The following MCCC1 variants were observed in gnomAD, a reference collection of about 807,000 sequenced individuals.
MCCC1 encodes the protein methylcrotonoyl-CoA carboxylase subunit alpha, mitochondrial.
Under a neutral mutation model 83.8 loss-of-function variants are expected in MCCC1, and 64 were observed. That is an observed-to-expected ratio of 0.76 (90% CI 0.62 to 0.94). The LOEUF (loss-of-function observed/expected upper bound fraction) is 0.94, where lower values mean the gene tolerates loss of function less well. MCCC1 is among the 40% of genes least tolerant of loss of function. The pLI, the probability that MCCC1 is intolerant of heterozygous loss-of-function variation, is 0.00. For synonymous variants in MCCC1, 322 were observed against 315.4 expected (o/e 1.02, Z -0.22); for missense variants, 807 against 904.7 (o/e 0.89, Z 1.39).
intron 7 of MCCC1, among the ~76,000 whole-genome samples, chr3:183,061,706 A>T (rs1206340255): frequency 6.6e-6 from 1 of 152,232 alleles, no homozygotes; most frequent in Non-Finnish European, 1.5e-5. Flanking sequence ...CATGGCCTCA[A>T]TTCTCTGATG....
intron 1 of MCCC1, among the ~76,000 whole-genome samples, chr3:183,105,377 G>C (rs1195296465): frequency 2.6e-5 from 4 of 151,906 alleles, no homozygotes; most frequent in Non-Finnish European, 5.9e-5. Flanking sequence ...GAAAAACAAT[G>C]AATTACTATG....
chr3:183,063,797 G>A (rs1228111653), intron 7 of MCCC1, among the ~76,000 whole-genome samples: 2 of 152,110 alleles, frequency 1.3e-5, no homozygotes, highest in East Asian at 1.9e-4. Flanking sequence ...GTCTGGTAAC[G>A]TCTTTCTGAT....
chr3:183,015,259 A>G lies in MCCC1; in HGVS notation c.*179T>C. The G allele has an allele frequency of 1.5e-6, 1 of 683,828 alleles. No individual in the cohort carries two copies. The highest frequency in any genetic ancestry group is 2.6e-6 in the Non-Finnish European group (1 of 389,588). The allele number at this position is 683,828 out of a possible 1,614,324, so 42.4% of individuals were successfully genotyped here. Reference sequence around the variant, plus strand: ...AATAATTCAACTTTATTAGTATGAAATATTTTGAGATAATTAGTGACCCAA... The same window carrying G: ...AATAATTCAACTTTATTAGTATGAAGTATTTTGAGATAATTAGTGACCCAA... On this transcript the variant is annotated 3_prime_UTR_variant, in exon 19 of 19. Coordinates refer to ENST00000265594, the MANE Select transcript of MCCC1 (RefSeq NM_020166.5).
chr3:183,103,420 C>T (rs1719351391), upstream of MCCC1, among the ~76,000 whole-genome samples: 1 of 152,108 alleles, frequency 6.6e-6, no homozygotes, highest in Non-Finnish European at 1.5e-5. Flanking sequence ...AATCCCTGAG[C>T]TAGACACAAA....
intron 13 of MCCC1, among the ~76,000 whole-genome samples, chr3:183,036,000 C>T (rs530158326): frequency 6.3e-5 from 9 of 142,120 alleles, no homozygotes; most frequent in African/African-American, 1.3e-4. Flanking sequence ...CGACAGGCCC[C>T]GGTGTGTGAT....
upstream of MCCC1, chr3:183,099,596 C>T: frequency 1.2e-6 from 1 of 829,304 alleles, no homozygotes; most frequent in Admixed American, 2.4e-5. Flanking sequence ...GTGAGGGCGT[C>T]TCCACGAACA....
At position 183,041,745 on chromosome 3, in the gene MCCC1, T is replaced by C. The variant is rs746900508; in HGVS notation, c.1089A>G (p.Ala363=). ...TDLVEWQLRI[A]AGEKIPLSQE... ...GGCTCAAAGGAATCTTCTCTCCTGC[T>C]GCAATCTGGCAATAGAATAGTGTTT... is the stretch of plus-strand genomic sequence containing the variant. Residue 363 remains alanine, a synonymous_variant, in exon 11 of 19, where the codon GCA becomes GCG. Transcript: ENST00000265594. 1 of 1,614,114 alleles carries C rather than the reference T, an allele frequency of 6.2e-7. No homozygotes were observed. Among genetic ancestry groups the C allele is most frequent in the Non-Finnish European group, 8.5e-7 (1 of 1,180,036 alleles).
At chr3:183,073,511 A>G (rs1716846080) in intron 4 of MCCC1, among the ~76,000 whole-genome samples, 1 of 152,272 alleles carries the variant, frequency 6.6e-6, no homozygotes, top group African/African-American at 2.4e-5. Context: ...TCCCTAGTGG[A>G]TGCCTGAAAC....
At chr3:183,047,756 T>G (rs970689522) in intron 9 of MCCC1, among the ~76,000 whole-genome samples, 1 of 151,008 alleles carries the variant, frequency 6.6e-6, no homozygotes, top group Non-Finnish European at 1.5e-5. Context: ...CCTCTGAACT[T>G]GAGGATATGA....
intron 1 of MCCC1, among the ~76,000 whole-genome samples, chr3:183,107,418 A>G (rs150019694): frequency 7.1e-6 from 1 of 141,668 alleles, no homozygotes; most frequent in Non-Finnish European, 1.5e-5. Context: ...CAAAAAAAAA[A>G]AAAGAAAAAG....
intron 7 of MCCC1, among the ~76,000 whole-genome samples, chr3:183,062,765 T>G (rs1030272808): frequency 6.6e-6 from 1 of 152,304 alleles, no homozygotes; most frequent in East Asian, 1.9e-4. Flanking sequence ...ATCAGTCTTA[T>G]TTACCTTTTT....
intron 4 of MCCC1, among the ~76,000 whole-genome samples, chr3:183,081,430 C>T (rs553393078): frequency 6.6e-6 from 1 of 152,258 alleles, no homozygotes; most frequent in Non-Finnish European, 1.5e-5. Flanking sequence ...ATTTACTTTG[C>T]TCTGTAACTT....
intron 15 of MCCC1, among the ~76,000 whole-genome samples, chr3:183,025,432 A>G (rs1349776571): frequency 6.6e-6 from 1 of 152,226 alleles, no homozygotes; most frequent in East Asian, 1.9e-4. Context: ...ACAGTTCCTG[A>G]GACAAAAAAT....
chr3:183,069,136 A>T (rs1399380521), intron 7 of MCCC1, among the ~76,000 whole-genome samples: 1 of 152,200 alleles, frequency 6.6e-6, no homozygotes, highest in African/African-American at 2.4e-5. Context: ...AATATTACTG[A>T]TGCCTATTAC....
intron 2 of MCCC1, among the ~76,000 whole-genome samples, 181 bp from the exon 3 acceptor site, chr3:183,092,726 C>CT (rs1718459212): frequency 6.6e-6 from 1 of 152,140 alleles, no homozygotes; most frequent in Non-Finnish European, 1.5e-5. Context: ...CACTTCTTTT[C>CT]TCTTAAATTC....
Position 183,071,250 on chromosome 3 carries a change from T to C in MCCC1, c.599A>G (p.Tyr200Cys). 2.5e-6 allele frequency: 4 copies of C among 1,614,220 alleles called. No individual in the cohort carries two copies. Among genetic ancestry groups the C allele is most frequent in the East Asian group, 2.2e-5 (1 of 44,888 alleles). ...CCGGACGGCTTTAATCATGACAGGATAGCCAATTCTCCTGGCGTGTTCCTT... is the reference window on the plus strand; with the variant it reads ...CCGGACGGCTTTAATCATGACAGGACAGCCAATTCTCCTGGCGTGTTCCTT... ...CLKEHARRIG[Y>C]PVMIKAVRGG... Residue 200 changes from tyrosine to cysteine, a missense_variant, in exon 6 of 19, where the codon TAT becomes TGT. Transcript: ENST00000265594.
chr3:183,067,629 C>T lies in MCCC1; in HGVS notation c.761+3370G>A, dbSNP rs142140706. 5.3e-3 allele frequency among the ~76,000 whole-genome samples: 809 copies of T among 152,292 alleles called. 3 individuals are homozygous for T. The highest frequency in any genetic ancestry group is 9.0e-3 in the Admixed American group (138 of 15,302). On this transcript the variant is annotated intron_variant, in intron 7 of 18. Transcript: ENST00000265594. The stretch of plus-strand genomic sequence containing the variant: ...AACCCTGCTTATTCCTGTGGACCAA[C>T]CAGTGATCCCTGGATGCTGCTCAGA...
intron 12 of MCCC1, among the ~76,000 whole-genome samples, chr3:183,038,533 G>C (rs539933319): frequency 2.6e-5 from 4 of 152,104 alleles, no homozygotes; most frequent in African/African-American, 9.7e-5. Flanking sequence ...GGGACTTTCT[G>C]CACCAAGGAA....
chr3:183,075,318 T>C (rs748524231), intron 4 of MCCC1, among the ~76,000 whole-genome samples: 3 of 152,222 alleles, frequency 2.0e-5, no homozygotes, highest in Non-Finnish European at 4.4e-5. Context: ...TGAACTAATT[T>C]ACACTCCTAC....
Sources: allele counts gnomAD v4.1 joint callset (sites outside exome capture counted in the v4.1 genomes callset), GRCh38; gene constraint gnomAD v4.1.1; transcripts MANE v1.5; gene names NCBI Gene and HGNC (gene_info 2026-07-23, HGNC 2026-07-21).